Variants in KIF26A observed in about 807,000 individuals in gnomAD.
KIF26A encodes the protein kinesin-like protein KIF26A.
A neutral mutation model predicts 126.0 loss-of-function variants in KIF26A; 74 were observed. The ratio of observed to expected loss-of-function variants is 0.59; its 90% CI spans 0.49 to 0.71. KIF26A has a LOEUF of 0.71. Ranked by LOEUF, KIF26A falls within the 30% of genes least tolerant of loss-of-function variation. The pLI is 0.00. For missense variants in KIF26A, 2,984 were observed against 2,763.3 expected, an observed-to-expected ratio of 1.08 and a Z score of -1.79; for synonymous variants, 1,445 against 1,232.7, an observed-to-expected ratio of 1.17 and a Z score of -3.61.
At position 104,176,836 on chromosome 14, in the gene KIF26A, G is replaced by A. The variant is rs1327671933; in HGVS notation, c.4048G>A (p.Ala1350Thr). ...CAGCAAGAAGGGTCTGGCTCCCAAG[G>A]CGGGCTTCCTCCCGAGGCCCAGTGG... ...PTSKKGLAPKAGFLPRPSGAA... is the reference protein window; with the variant it reads ...PTSKKGLAPKTGFLPRPSGAA... Residue 1350 changes from alanine to threonine, a missense_variant, in exon 12 of 15, where the codon GCG (alanine) becomes ACG (threonine). Ala to Thr is a moderately conservative substitution (Grantham distance 58, BLOSUM62 0). Coordinates refer to ENST00000423312, the MANE Select transcript of KIF26A (RefSeq NM_015656.2). The A allele has an allele frequency of 6.5e-7, 1 of 1,548,446 alleles. No homozygotes were observed. The highest frequency in any genetic ancestry group is 1.4e-5 in the African/African-American group (1 of 73,112).
Position 104,175,848 on chromosome 14 carries a change from G to T in KIF26A, c.3060G>T (p.Leu1020=). Residue 1020 remains leucine, a synonymous_variant, in exon 12 of 15, where the codon CTG becomes CTT. Transcript: ENST00000423312. ...ERGLLTTTVT[L]QRPVELNGED... ...GCCTGCTCACCACCACAGTGACCCT[G>T]CAGCGGCCAGTGGAGCTCAACGGCG... 6.5e-7 allele frequency: 1 copy of T among 1,539,054 alleles called. No homozygotes were observed.
Position 104,152,917 on chromosome 14 carries a change from C to T in KIF26A, c.735+456C>T, listed in dbSNP as rs1173827674. Among the ~76,000 whole-genome samples, 2 of 152,100 alleles carry T rather than the reference C, an allele frequency of 1.3e-5. No homozygotes were observed. Among genetic ancestry groups the T allele is most frequent in the Non-Finnish European group, 1.5e-5 (1 of 67,988 alleles). ...CCGGCAGTTGCAATTGCTGGAGATG[C>T]GTTGCCTGCCCCTGTGGCACCCTGG... On this transcript the variant is annotated intron_variant, in intron 3 of 14. Transcript: ENST00000423312. The surrounding 1 kb of genome is among the most constrained non-coding windows in gnomAD (Gnocchi z 5.9).
At chr14:104,145,021 C>T (rs2037668390) in intron 2 of KIF26A, among the ~76,000 whole-genome samples, 1 of 152,204 alleles carries the variant, frequency 6.6e-6, no homozygotes, top group African/African-American at 2.4e-5. Context: ...GGGCAGCCCT[C>T]GTCAGCCTCT....
chr14:104,179,872 T>TG lies in KIF26A; in HGVS notation c.*83dup. ...GACGGAGCGAGGATGTGGTGGGGGC[T>TG]GCGGGGGGAGGATGCGGAGGGGTTT... is the stretch of plus-strand genomic sequence containing the variant. On this transcript the variant is annotated 3_prime_UTR_variant, in exon 15 of 15. Transcript: ENST00000423312. 3.4e-6 allele frequency: 4 copies of TG among 1,163,796 alleles called. No homozygotes were observed. In the African/African-American group the frequency reaches 7.4e-5, roughly 22 times the overall value. The allele number at this position is 1,163,796 out of a possible 1,614,324, so 72.1% of individuals were successfully genotyped here.
intron 4 of KIF26A, among the ~76,000 whole-genome samples, chr14:104,164,452 G>A (rs1471068115): frequency 6.6e-6 from 1 of 152,124 alleles, no homozygotes; most frequent in African/African-American, 2.4e-5. Context: ...TGTGCTGGTG[G>A]GTCCATGATC....
In KIF26A at chr14:104,152,226, C is replaced by T. The variant is rs746053979; in HGVS notation, c.500C>T (p.Thr167Met). Residue 167 changes from threonine (T) to methionine (M), a missense_variant, in exon 3 of 15, where the codon ACG becomes ATG. Transcript: ENST00000423312. This position sits in a 1 kb window ranked among gnomAD's most constrained non-coding sequence, Gnocchi z 5.9. ...CCCAGCCTCGCACCCCCCAGCACCA[C>T]GACCAGCTCGAGGGACACGCCAGGA... ...GGPSLAPPST[T>M]TSSRDTPGPA... 6.9e-6 allele frequency: 11 copies of T among 1,599,482 alleles called. No homozygotes were observed. The highest frequency in any genetic ancestry group is 2.7e-5 in the African/African-American group (2 of 74,500).
At position 104,174,320 on chromosome 14, in the gene KIF26A, A is replaced by G; in HGVS notation, c.2193+10A>G. 1 of 1,396,254 alleles carries G rather than the reference A, an allele frequency of 7.2e-7. No homozygotes were observed. The highest frequency in any genetic ancestry group is 2.5e-5 in the Admixed American group (1 of 40,680). 86.5% of individuals were successfully genotyped at this position (1,396,254 alleles called of 1,614,324 possible). On this transcript the variant is annotated intron_variant, in intron 11 of 14. Coordinates refer to ENST00000423312, the MANE Select transcript of KIF26A (RefSeq NM_015656.2). ...CAGGAAGAAGGCCAAGGTGCTCCCC[A>G]CCTCCTGCCCGCCCCATCTCGGGGC...
At chr14:104,140,227 G>A (rs1421410881) in intron 2 of KIF26A, among the ~76,000 whole-genome samples, 1 of 152,090 alleles carries the variant, frequency 6.6e-6, no homozygotes, top group Non-Finnish European at 1.5e-5. Context: ...CCTGGGCACC[G>A]TCTCCGGGCT....
chr14:104,174,154 C>T lies in KIF26A; in HGVS notation c.2037C>T (p.His679=). ...NGAKHVPYRD[H]RLTMLLRESL... is the part of the protein sequence containing the mutation. ...GAACCGCCTCGACCCGCAGGGACCA[C>T]AGGCTCACCATGCTGCTGCGTGAAT... Residue 679 remains histidine (H), a synonymous_variant, in exon 11 of 15, where the codon CAC becomes CAT. Transcript: ENST00000423312. 1 of 1,573,050 alleles carries T rather than the reference C, an allele frequency of 6.4e-7. No individual in the cohort carries two copies. Among genetic ancestry groups the T allele is most frequent in the Non-Finnish European group, 8.6e-7 (1 of 1,156,814 alleles).
In KIF26A at chr14:104,173,482, G is replaced by T; in HGVS notation, c.1836G>T (p.Gln612His). 6.3e-7 allele frequency: 1 copy of T among 1,578,914 alleles called. No homozygotes were observed. Among genetic ancestry groups the T allele is most frequent in the Non-Finnish European group, 8.6e-7 (1 of 1,158,808 alleles). ...TGTTGTTCACGCTGCACGTCTACCA[G>T]TACCGCATGGAGAAGTGCGGCCGGG... Reference protein sequence around the residue: ...SHMLFTLHVYQYRMEKCGRGG... With the variant: ...SHMLFTLHVYHYRMEKCGRGG... Residue 612 changes from glutamine to histidine, a missense_variant, in exon 9 of 15, where the codon CAG becomes CAT. Coordinates refer to ENST00000423312, the MANE Select transcript of KIF26A (RefSeq NM_015656.2).
In KIF26A at chr14:104,173,712, G is replaced by A. The variant is rs1329724416; in HGVS notation, c.1874G>A (p.Gly625Glu). The A allele has an allele frequency of 1.2e-5, 19 of 1,610,950 alleles. No homozygotes were observed. Among genetic ancestry groups the A allele is most frequent in the Non-Finnish European group, 1.5e-5 (18 of 1,179,442 alleles). The change falls in exon 10 of 15, where the codon GGA becomes GAA. Residue 625 changes from glycine (G) to glutamate (E), a missense_variant. Gly to Glu is a moderately conservative substitution (Grantham distance 98). Coordinates refer to ENST00000423312, the MANE Select transcript of KIF26A (RefSeq NM_015656.2). Reference protein sequence around the residue: ...MEKCGRGGMSGGRSRLHLIDL... With the variant: ...MEKCGRGGMSEGRSRLHLIDL... The stretch of plus-strand genomic sequence containing the variant: ...GCTTGCCTTGTGGTTCCAGTGTCCG[G>A]AGGCCGCAGCCGCCTGCACCTCATC...
chr14:104,140,272 G>A (rs943115916), intron 2 of KIF26A, among the ~76,000 whole-genome samples: 18 of 152,138 alleles, frequency 1.2e-4, no homozygotes, highest in Non-Finnish European at 4.4e-5. Context: ...GATTGCTGTA[G>A]CCTCTCTCTG....
Position 104,176,904 on chromosome 14 carries a change from G to A in KIF26A, c.4116G>A (p.Glu1372=), listed in dbSNP as rs1441923769. Reference sequence around the variant, plus strand: ...CACCCACGCGGAAGTCCAGCCTGGAGCAGAGGAGCAGCCCGGCCTCGGCCC... The same window carrying A: ...CACCCACGCGGAAGTCCAGCCTGGAACAGAGGAGCAGCCCGGCCTCGGCCC... ...PAPPTRKSSL[E]QRSSPASAPP... The change falls in exon 12 of 15, where the codon GAG becomes GAA. Residue 1372 remains glutamate, a synonymous_variant. Coordinates refer to ENST00000423312, the MANE Select transcript of KIF26A (RefSeq NM_015656.2). 7.1e-6 allele frequency: 11 copies of A among 1,539,610 alleles called. No individual in the cohort carries two copies. The highest frequency in any genetic ancestry group is 9.6e-6 in the Non-Finnish European group (11 of 1,146,026).
In KIF26A at chr14:104,151,698, GCGGCCTTAGCTGACAGTGGTCCGGTTGTC is replaced by G. The variant is rs2037730965; in HGVS notation, c.289-313_289-285del. Among the ~76,000 whole-genome samples the G allele has an allele frequency of 6.6e-6, 1 of 152,218 alleles. No individual in the cohort carries two copies. The highest frequency in any genetic ancestry group is 6.5e-5 in the Admixed American group (1 of 15,284). ...CAGTCTCCTGCGTGTCCCCGGCCAGGCGGCCTTAGCTGACAGTGGTCCGGTTGTCCGGGAGCCGCAAACCTGCCTTGTTA... is the reference window on the plus strand; with the variant it reads ...CAGTCTCCTGCGTGTCCCCGGCCAGGCGGGAGCCGCAAACCTGCCTTGTTA... On this transcript the variant is annotated intron_variant, in intron 2 of 14. Transcript: ENST00000423312. This position sits in a 1 kb window ranked among gnomAD's most constrained non-coding sequence, Gnocchi z 4.9.
Position 104,168,012 on chromosome 14 carries a change from T to TG in KIF26A, c.1113+965dup, listed in dbSNP as rs1262775586. Among the ~76,000 whole-genome samples the TG allele has an allele frequency of 2.6e-5, 4 of 151,766 alleles. No homozygotes were observed. In the East Asian group the frequency reaches 7.7e-4, roughly 29 times the overall value. On this transcript the variant is annotated intron_variant, in intron 5 of 14. Coordinates refer to ENST00000423312, the MANE Select transcript of KIF26A (RefSeq NM_015656.2). ...TGGAGACCCCCTGGCAGAAGGCCCC[T>TG]GTCCCTGGGCCTGGGGGTGCCACAG...
At chr14:104,143,790 C>T (rs2037657590) in intron 2 of KIF26A, among the ~76,000 whole-genome samples, 1 of 152,250 alleles carries the variant, frequency 6.6e-6, no homozygotes, top group South Asian at 2.1e-4. Context: ...CTGGCAGTGG[C>T]ACCCGCCTCG....
At position 104,179,713 on chromosome 14, in the gene KIF26A, G is replaced by A. The variant is rs755044413; in HGVS notation, c.5572G>A (p.Val1858Ile). 166 of 1,551,612 alleles carry A rather than the reference G, an allele frequency of 1.1e-4. No homozygotes were observed. Among genetic ancestry groups the A allele is most frequent in the Admixed American group, 4.7e-4 (24 of 51,202 alleles). ...GTGCGTGAACCTGTGCAAGGCGCAC[G>A]TCATGATGGTCACCTGCTTCGACAT... ...EQCVNLCKAH[V>I]MMVTCFDISV... Residue 1858 changes from valine (V) to isoleucine (I), a missense_variant, in exon 15 of 15, where the codon GTC (valine) becomes ATC (isoleucine). Physicochemically the swap from Val to Ile is conservative, Grantham distance 29. Coordinates refer to ENST00000423312, the MANE Select transcript of KIF26A (RefSeq NM_015656.2).
In KIF26A at chr14:104,142,186, G is replaced by A. The variant is rs145808982; in HGVS notation, c.288+2898G>A. ...CCACCTTTCTGAGCTCTGGTGCCCC[G>A]TCTGGGGCCGTAGGGGAGGGGGACA... On this transcript the variant is annotated intron_variant, in intron 2 of 14. Coordinates refer to ENST00000423312, the MANE Select transcript of KIF26A (RefSeq NM_015656.2). Among the ~76,000 whole-genome samples the A allele has an allele frequency of 1.7e-3, 263 of 152,220 alleles. 3 individuals carry two copies. Among genetic ancestry groups the A allele is most frequent in the African/African-American group, 5.8e-3 (242 of 41,542 alleles).
At chr14:104,153,146 C>T (rs910924135) in intron 3 of KIF26A, among the ~76,000 whole-genome samples, 11 of 152,148 alleles carry the variant, frequency 7.2e-5, no homozygotes, top group Non-Finnish European at 1.6e-4. Flanking sequence ...GCAGACCCTG[C>T]CCTTGCCTTC....
Sources: gnomAD v4.1 joint callset for allele counts (sites outside exome capture counted in the v4.1 genomes callset) on GRCh38, gnomAD v4.1.1 for gene constraint, Gnocchi (gnomAD v3.1) non-coding constraint, MANE v1.5 for transcripts, NCBI Gene and HGNC (gene_info 2026-07-23, HGNC 2026-07-21) for gene names.